Variants in UGT2A2 observed in about 807,000 individuals in gnomAD.
UGT2A2 encodes the protein UDP glucuronosyltransferase family 2 member A2, also known as UDP-glucuronosyltransferase 2A2.
In UGT2A2, 60 loss-of-function variants were observed where a neutral mutation model predicts 50.7. The ratio of observed to expected loss-of-function variants is 1.18; its 90% CI spans 0.96 to 1.47. The LOEUF is 1.47. Among genes scored for constraint, UGT2A2 ranks in the 40% most tolerant of loss-of-function variants. The pLI is 0.00. For missense variants in UGT2A2, 762 were observed against 634.0 expected (o/e 1.20, Z -2.17); for synonymous variants, 242 against 214.6 (o/e 1.13, Z -1.11).
At chr4:69,636,262 C>T (rs7662309) in intron 1 of UGT2A2, among the ~76,000 whole-genome samples, 122,806 of 152,110 alleles carry the variant, frequency 0.81, 49,807 homozygotes, top group African/African-American at 0.88. Context: ...AGCTCTCCTG[C>T]GGTCAAACAT....
At position 69,639,276 on chromosome 4, in the gene UGT2A2, T is replaced by C. The variant is rs1332459839; in HGVS notation, c.365A>G (p.Lys122Arg). The C allele has an allele frequency of 1.2e-6, 2 of 1,613,730 alleles. No individual in the cohort carries two copies. The highest frequency in any genetic ancestry group is 3.3e-5 in the Admixed American group (2 of 59,990). The change falls in exon 1 of 6, where the codon AAA becomes AGA. Residue 122 changes from lysine to arginine, a missense_variant. By Grantham distance (26) the Lys-to-Arg change is conservative (BLOSUM62 2). Transcript: ENST00000604629. ...AATTTGAAAGAAAGTGTCTAGAAGT[T>C]TTCCTAGTTCTTTGTAGAAAGCCCA... ...TIWAFYKELGKLLDTFFQINI... is the reference protein window; with the variant it reads ...TIWAFYKELGRLLDTFFQINI...
intron 1 of UGT2A2, among the ~76,000 whole-genome samples, chr4:69,600,757 C>T (rs1232717265): frequency 6.6e-6 from 1 of 151,474 alleles, no homozygotes; most frequent in African/African-American, 2.4e-5. Context: ...GGTTGTTTTG[C>T]ATGATGGGAG....
At chr4:69,621,807 A>G (rs1357091499) in intron 1 of UGT2A2, among the ~76,000 whole-genome samples, 2 of 151,992 alleles carry the variant, frequency 1.3e-5, no homozygotes, top group African/African-American at 4.8e-5. Flanking sequence ...TGCATCATAG[A>G]AAACTACACA....
At chr4:69,610,651 G>T (rs148288709) in intron 1 of UGT2A2, among the ~76,000 whole-genome samples, 4 of 152,114 alleles carry the variant, frequency 2.6e-5, no homozygotes, top group Admixed American at 1.3e-4. Flanking sequence ...TCAAGGGTGG[G>T]TCTCTAATCC....
intron 1 of UGT2A2, among the ~76,000 whole-genome samples, chr4:69,600,040 A>C (rs919424816): frequency 1.3e-5 from 2 of 152,192 alleles, no homozygotes; most frequent in African/African-American, 4.8e-5. Flanking sequence ...GCAACACAGA[A>C]ACTTAACAGA....
intron 1 of UGT2A2, among the ~76,000 whole-genome samples, chr4:69,613,931 T>G (rs1187613228): frequency 1.3e-5 from 2 of 152,136 alleles, no homozygotes; most frequent in African/African-American, 2.4e-5. Flanking sequence ...GTAGGATATG[T>G]GCTTTCACAA....
chr4:69,627,456 A>ACAGGCAAGCAGGCAGG (rs1213692869), intron 1 of UGT2A2, among the ~76,000 whole-genome samples: 1 of 150,008 alleles, frequency 6.7e-6, no homozygotes, highest in Non-Finnish European at 1.5e-5. Flanking sequence ...CCATAGGCAG[A>ACAGGCAAGCAGGCAGG]CAGGCAAGCA....
intron 1 of UGT2A2, among the ~76,000 whole-genome samples, chr4:69,603,086 G>A (rs1394880366): frequency 1.5e-5 from 2 of 134,698 alleles, no homozygotes; most frequent in Admixed American, 7.3e-5. Flanking sequence ...AAAAATAAAT[G>A]AATAAATAAA....
intron 1 of UGT2A2, among the ~76,000 whole-genome samples, chr4:69,619,587 T>C (rs1720619843): frequency 6.6e-6 from 1 of 151,996 alleles, no homozygotes; most frequent in African/African-American, 2.4e-5. Context: ...ATAATCTTTT[T>C]CAGGTGAATT....
chr4:69,607,442 G>A (rs1719708900), intron 1 of UGT2A2, among the ~76,000 whole-genome samples: 2 of 152,026 alleles, frequency 1.3e-5, no homozygotes, highest in African/African-American at 4.8e-5. Context: ...AGACTTACAT[G>A]TTAGACCTAA....
rs1448452187 is a variant in UGT2A2 at position 69,605,958 on chromosome 4, G to A, written c.743-6564C>T. 2.9e-5 allele frequency among the ~76,000 whole-genome samples: 4 copies of A among 136,404 alleles called. 1 individual carries two copies. Among genetic ancestry groups the A allele is most frequent in the African/African-American group, 8.9e-5 (3 of 33,660 alleles). 89.5% of individuals were successfully genotyped at this position (136,404 alleles called of 152,430 possible). A position where few individuals can be genotyped will look rare whatever the true frequency, so the allele number is the denominator to read the frequency against. ...AGCTTAGCAACCAAAAAAAGTCCAG[G>A]ACCAGATGGATTCACAGCTGAATTC... is the stretch of plus-strand genomic sequence containing the variant. On this transcript the variant is annotated intron_variant, in intron 1 of 5. Coordinates refer to ENST00000604629, the MANE Select transcript of UGT2A2 (RefSeq NM_001105677.2).
chr4:69,595,015 G>T, intron 4 of UGT2A2, 147 bp downstream of exon 4: 2 of 1,167,878 alleles, frequency 1.7e-6, no homozygotes, highest in Non-Finnish European at 2.4e-6. Context: ...AAAATTAATG[G>T]CCAATTATGT....
intron 1 of UGT2A2, among the ~76,000 whole-genome samples, chr4:69,605,334 C>A (rs79395984): frequency 2.2e-5 from 3 of 135,762 alleles, no homozygotes; most frequent in East Asian, 2.1e-4. Context: ...GGGTACATAA[C>A]GAAATGAAGG....
At chr4:69,632,951 C>A (rs1261850540) in intron 1 of UGT2A2, among the ~76,000 whole-genome samples, 1 of 151,488 alleles carries the variant, frequency 6.6e-6, no homozygotes, top group Non-Finnish European at 1.5e-5. Flanking sequence ...ATACGTTATG[C>A]ACTAGAGATT....
chr4:69,595,182 A>G lies in UGT2A2; in HGVS notation c.1091T>C (p.Ile364Thr), dbSNP rs1718846955. The G allele has an allele frequency of 6.2e-7, 1 of 1,613,738 alleles. No homozygotes were observed. Among genetic ancestry groups the G allele is most frequent in the Admixed American group, 1.7e-5 (1 of 59,998 alleles). Reference protein sequence around the residue: ...LGNNTQLFDWIPQNDLLGHPK... With the variant: ...LGNNTQLFDWTPQNDLLGHPK... ...CTTACCAAGAAGATCATTCTGGGGTATCCAATCAAAGAGCTGAGTATTGTT... is the reference window on the plus strand; with the variant it reads ...CTTACCAAGAAGATCATTCTGGGGTGTCCAATCAAAGAGCTGAGTATTGTT... The change falls in exon 4 of 6, where the codon ATA (isoleucine) becomes ACA (threonine). Residue 364 changes from isoleucine to threonine, a missense_variant. Coordinates refer to ENST00000604629, the MANE Select transcript of UGT2A2 (RefSeq NM_001105677.2).
At chr4:69,618,451 A>G (rs1267721303) in intron 1 of UGT2A2, among the ~76,000 whole-genome samples, 1 of 151,912 alleles carries the variant, frequency 6.6e-6, no homozygotes, top group Non-Finnish European at 1.5e-5. Context: ...GGTGAATTCT[A>G]ACACATTTCT....
At chr4:69,616,624 C>CGT (rs1720403998) in intron 1 of UGT2A2, among the ~76,000 whole-genome samples, 1 of 151,852 alleles carries the variant, frequency 6.6e-6, no homozygotes, top group African/African-American at 2.4e-5. Flanking sequence ...AAGCCACTGG[C>CGT]TTACCCATTC....
At chr4:69,635,646 A>C (rs1035507247) in intron 1 of UGT2A2, 1 of 206,554 alleles carries the variant, frequency 4.8e-6, no homozygotes, top group Non-Finnish European at 1.0e-5. Flanking sequence ...CCTCGCCAAC[A>C]TGGTGAAACC....
At position 69,599,272 on chromosome 4, in the gene UGT2A2, A is replaced by G. The variant is rs752449313; in HGVS notation, c.865T>C (p.Cys289Arg). ...PNFEFVGGLH[C>R]KPAKPLPKEM... ...TTAGGTAAAGGTTTGGCAGGTTTGC[A>G]GTGCAATCCTCCAACAAACTCAAAA... Residue 289 changes from cysteine (C) to arginine (R), a missense_variant, in exon 2 of 6, where the codon TGC becomes CGC. Physicochemically the swap from Cys to Arg is radical, Grantham distance 180. Transcript: ENST00000604629. The G allele has an allele frequency of 1.9e-6, 3 of 1,613,760 alleles. No individual in the cohort carries two copies. The highest frequency in any genetic ancestry group is 2.5e-6 in the Non-Finnish European group (3 of 1,179,872).
Sources: gnomAD v4.1 joint callset for allele counts (sites outside exome capture counted in the v4.1 genomes callset) on GRCh38, gnomAD v4.1.1 for gene constraint, MANE v1.5 for transcripts, NCBI Gene and HGNC (gene_info 2026-07-23, HGNC 2026-07-21) for gene names.